Variants in ITPRIP observed in about 807,000 individuals in gnomAD.
The protein encoded by ITPRIP is inositol 1,4,5-trisphosphate receptor interacting protein.
A neutral mutation model predicts 35.8 loss-of-function variants in ITPRIP; 32 were observed. The ratio of observed to expected loss-of-function variants is 0.89; its 90% CI spans 0.68 to 1.20. The LOEUF is 1.20. Among genes scored for constraint, ITPRIP ranks in the 50% most tolerant of loss-of-function variants. The pLI is 0.00. For synonymous variants in ITPRIP, 358 were observed against 324.0 expected, an observed-to-expected ratio of 1.11 and a Z score of -1.13; for missense variants, 653 against 735.6, an observed-to-expected ratio of 0.89 and a Z score of 1.30.
At chr10:104,325,851 C>T (rs1234454582) in intron 1 of ITPRIP, among the ~76,000 whole-genome samples, 1 of 152,212 alleles carries the variant, frequency 6.6e-6, no homozygotes, top group Non-Finnish European at 1.5e-5. Context: ...CTCCCTAACC[C>T]AGGGGAGAGC....
rs1421090322 is a variant in ITPRIP, at chr10:104,311,937, G to A, written c.*2471C>T. The A allele has an allele frequency of 6.6e-6, 1 of 152,192 alleles. No individual in the cohort carries two copies. Among genetic ancestry groups the A allele is most frequent in the Non-Finnish European group, 1.5e-5 (1 of 68,046 alleles). 9.4% of individuals were successfully genotyped at this position (152,192 alleles called of 1,614,324 possible). Reference sequence around the variant, plus strand: ...TTTCAAAGGCCCTTTCTGGAGCCCTGCGGGCAGCACACAAGTTGCCTCAAA... The same window carrying A: ...TTTCAAAGGCCCTTTCTGGAGCCCTACGGGCAGCACACAAGTTGCCTCAAA... On this transcript the variant is annotated 3_prime_UTR_variant, in exon 2 of 2. Coordinates refer to ENST00000337478, the MANE Select transcript of ITPRIP (RefSeq NM_001272013.2).
Position 104,314,926 on chromosome 10 carries a change from A to C in ITPRIP, c.1126T>G (p.Ser376Ala), listed in dbSNP as rs763840247. ...AAGGACAGGAGCCAGTCTGTGCTGG[A>C]GGCTGGGGTGCCCTCAGAGGGCTCC... ...PREPSEGTPA[S>A]STDWLLSFAV... Residue 376 changes from serine to alanine, a missense_variant, in exon 2 of 2, where the codon TCC (serine) becomes GCC (alanine). Physicochemically the swap from Ser to Ala is moderately conservative, Grantham distance 99. Coordinates refer to ENST00000337478, the MANE Select transcript of ITPRIP (RefSeq NM_001272013.2). 29 of 1,613,532 alleles carry C rather than the reference A, an allele frequency of 1.8e-5. No individual in the cohort carries two copies. In the Admixed American group the frequency reaches 3.8e-4, roughly 21 times the overall value.
At chr10:104,337,024 G>C (rs1305432131) in intron 1 of ITPRIP, among the ~76,000 whole-genome samples, 3 of 152,200 alleles carry the variant, frequency 2.0e-5, no homozygotes, top group Non-Finnish European at 2.9e-5. Flanking sequence ...GAATGGCCCA[G>C]AGCAGCCGCA....
At chr10:104,331,303 T>C (rs1346449767) in intron 1 of ITPRIP, among the ~76,000 whole-genome samples, 1 of 152,184 alleles carries the variant, frequency 6.6e-6, no homozygotes, top group Non-Finnish European at 1.5e-5. Flanking sequence ...TTGGGAACTT[T>C]GGAACAAAGT....
At chr10:104,338,076 G>A (rs1054807751) in intron 1 of ITPRIP, among the ~76,000 whole-genome samples, 170 bp downstream of exon 1, 1 of 152,224 alleles carries the variant, frequency 6.6e-6, no homozygotes, top group African/African-American at 2.4e-5. Context: ...CGCGCTTTAA[G>A]GGAAGGGGGT....
chr10:104,315,931 T>A lies in ITPRIP; in HGVS notation c.121A>T (p.Met41Leu). The change falls in exon 2 of 2, where the codon ATG becomes TTG. Residue 41 changes from methionine (M) to leucine (L), a missense_variant. Met to Leu is a conservative substitution (Grantham distance 15). Transcript: ENST00000337478. This position sits in a 1 kb window ranked among gnomAD's most constrained non-coding sequence, Gnocchi z 5.7. ...PENEEEIIRK[M>L]QAHQEKLQLE... ...TGCAGCTTCTCCTGGTGCGCCTGCA[T>A]CTTGCGGATGATCTCCTCCTCGTTC... 6.2e-7 allele frequency: 1 copy of A among 1,613,950 alleles called. No individual in the cohort carries two copies. The highest frequency in any genetic ancestry group is 8.5e-7 in the Non-Finnish European group (1 of 1,180,014).
rs1442659810 is a variant in ITPRIP, at chr10:104,315,304, C to T, written c.748G>A (p.Gly250Arg). The part of the protein sequence containing the change: ...YGQIKVVRAD[G>R]DTLSCICGKT... ...CCGCAGATGCAGCTCAATGTGTCCCCATCGGCGCGGACCACCTTGATCTGG... is the reference window on the plus strand; with the variant it reads ...CCGCAGATGCAGCTCAATGTGTCCCTATCGGCGCGGACCACCTTGATCTGG... Residue 250 changes from glycine (G) to arginine (R), a missense_variant, in exon 2 of 2, where the codon GGG (glycine) becomes AGG (arginine). Physicochemically the swap from Gly to Arg is moderately radical, Grantham distance 125. Coordinates refer to ENST00000337478, the MANE Select transcript of ITPRIP (RefSeq NM_001272013.2). The surrounding 1 kb of genome is among the most constrained non-coding windows in gnomAD (Gnocchi z 5.7). The T allele has an allele frequency of 1.9e-6, 3 of 1,584,856 alleles. No homozygotes were observed. The highest frequency in any genetic ancestry group is 2.7e-5 in the African/African-American group (2 of 74,496).
chr10:104,313,605 G>C lies in ITPRIP; in HGVS notation c.*803C>G, dbSNP rs1311204779. 1.0e-6 allele frequency: 1 copy of C among 985,372 alleles called. No individual in the cohort carries two copies. Among genetic ancestry groups the C allele is most frequent in the African/African-American group, 1.7e-5 (1 of 57,198 alleles). The allele number at this position is 985,372 out of a possible 1,614,324, so 61.0% of individuals were successfully genotyped here. A position where few individuals can be genotyped will look rare whatever the true frequency, so the allele number is the denominator to read the frequency against. On this transcript the variant is annotated 3_prime_UTR_variant, in exon 2 of 2. Coordinates refer to ENST00000337478, the MANE Select transcript of ITPRIP (RefSeq NM_001272013.2). The stretch of plus-strand genomic sequence containing the variant: ...AGCTTTGGAGAGAATAAAGAGAGGT[G>C]GGGGGCTGCTGAGCTGGCACCCAGT...
rs746483269 is a variant in ITPRIP, at chr10:104,315,599, C to T, written c.453G>A (p.Arg151=). The T allele has an allele frequency of 1.2e-6, 2 of 1,613,484 alleles. No homozygotes were observed. The highest frequency in any genetic ancestry group is 2.2e-5 in the South Asian group (2 of 91,088). ...TACGGGCTGCATCGGCCGTGGCCCC[C>T]CGGATGCAGCGCTCATAAAAGTGGC... ...TLGHFYERCI[R]GATADAARTR... Residue 151 remains arginine (R), a synonymous_variant, in exon 2 of 2, where the codon CGG becomes CGA. Transcript: ENST00000337478. This position sits in a 1 kb window ranked among gnomAD's most constrained non-coding sequence, Gnocchi z 5.7.
At chr10:104,318,954 G>GGGC (rs925704957) in intron 1 of ITPRIP, among the ~76,000 whole-genome samples, 2 of 152,384 alleles carry the variant, frequency 1.3e-5, no homozygotes. Flanking sequence ...CTGGGGTTCA[G>GGGC]GGCGGAGTGC....
Position 104,316,061 on chromosome 10 carries a change from T to A in ITPRIP, c.-10A>T. 1 of 1,555,294 alleles carries A rather than the reference T, an allele frequency of 6.4e-7. No individual in the cohort carries two copies. Among genetic ancestry groups the A allele is most frequent in the South Asian group, 1.2e-5 (1 of 82,678 alleles). On this transcript the variant is annotated 5_prime_UTR_variant, in exon 2 of 2. It adds an upstream start codon to the 5' untranslated region. Transcript: ENST00000337478. The stretch of plus-strand genomic sequence containing the variant: ...AGAGCCCCATGGCCATGGTTGGAGC[T>A]TTCCTGGGAACAGAGAGACAGATGG...
At position 104,315,842 on chromosome 10, in the gene ITPRIP, C is replaced by A. The variant is rs539334143; in HGVS notation, c.210G>T (p.Glu70Asp). ...ARLAAEKEAL[E>D]QVAEEGRQQN... ...GCTGCCTGCCCTCCTCCGCCACCTG[C>A]TCCAGTGCCTCCTTTTCGGCCGCCA... Residue 70 changes from glutamate to aspartate, a missense_variant, in exon 2 of 2, where the codon GAG becomes GAT. Transcript: ENST00000337478. This position sits in a 1 kb window ranked among gnomAD's most constrained non-coding sequence, Gnocchi z 5.7. 1 of 1,613,186 alleles carries A rather than the reference C, an allele frequency of 6.2e-7. No individual in the cohort carries two copies. The highest frequency in any genetic ancestry group is 2.2e-5 in the East Asian group (1 of 44,856).
chr10:104,323,105 A>G (rs2135193283), intron 1 of ITPRIP, among the ~76,000 whole-genome samples: 1 of 152,278 alleles, frequency 6.6e-6, no homozygotes, highest in Non-Finnish European at 1.5e-5. Context: ...CTAGGCCTGG[A>G]GGGTGGGTGG....
At chr10:104,321,253 C>T (rs111306594) in intron 1 of ITPRIP, among the ~76,000 whole-genome samples, 11 of 152,184 alleles carry the variant, frequency 7.2e-5, no homozygotes, top group African/African-American at 2.4e-4. Context: ...GGTCACTTGG[C>T]GGGCTTTTTT....
rs578168518 is a variant in ITPRIP, at chr10:104,314,362, G to A, written c.*46C>T. ...ATGCCACCAGGGGTGTGAACGTGAGGGATGCCCTCATCTTAGCTCGAGGAT... is the reference window on the plus strand; with the variant it reads ...ATGCCACCAGGGGTGTGAACGTGAGAGATGCCCTCATCTTAGCTCGAGGAT... On this transcript the variant is annotated 3_prime_UTR_variant, in exon 2 of 2. Transcript: ENST00000337478. 7.5e-4 allele frequency: 1,168 copies of A among 1,564,324 alleles called. 22 individuals are homozygous for A. The South Asian group carries it at 0.013, about 18-fold the overall frequency.
chr10:104,329,719 G>A (rs2014110801), intron 1 of ITPRIP, among the ~76,000 whole-genome samples: 7 of 152,078 alleles, frequency 4.6e-5, no homozygotes, highest in Admixed American at 4.6e-4. Context: ...GTCAAACTCT[G>A]GAATCAGAAG....
chr10:104,320,931 C>G (rs2013830949), intron 1 of ITPRIP, among the ~76,000 whole-genome samples: 1 of 152,182 alleles, frequency 6.6e-6, no homozygotes, highest in South Asian at 2.1e-4. Flanking sequence ...AGGCCTTGGT[C>G]ATTCAGATGG....
At chr10:104,338,080 A>C (rs2014276775) in intron 1 of ITPRIP, among the ~76,000 whole-genome samples, 166 bp downstream of exon 1, 1 of 152,190 alleles carries the variant, frequency 6.6e-6, no homozygotes, top group South Asian at 2.1e-4. Context: ...CTTTAAGGGA[A>C]GGGGGTCTCC....
At chr10:104,322,664 TG>T (rs1203452749) in intron 1 of ITPRIP, among the ~76,000 whole-genome samples, 1 of 152,176 alleles carries the variant, frequency 6.6e-6, no homozygotes, top group Non-Finnish European at 1.5e-5. Flanking sequence ...GCCAAGGGCT[TG>T]CCCAGCACAC....
Sources: gnomAD v4.1 joint callset for allele counts (sites outside exome capture counted in the v4.1 genomes callset) on GRCh38, gnomAD v4.1.1 for gene constraint, Gnocchi (gnomAD v3.1) non-coding constraint, MANE v1.5 for transcripts, NCBI Gene and HGNC (gene_info 2026-07-23, HGNC 2026-07-21) for gene names.